Variants in VRK2 observed in about 807,000 individuals in gnomAD.
VRK2 encodes the protein serine/threonine-protein kinase VRK2.
Under a neutral mutation model 57.6 loss-of-function variants are expected in VRK2, and 60 were observed. The observed-to-expected ratio is 1.04, with a 90% CI of 0.85 to 1.29. The LOEUF is 1.29. VRK2 is among the 50% of genes most tolerant of loss of function. VRK2 has a pLI of 0.00. For synonymous variants in VRK2, 231 were observed against 199.2 expected, an observed-to-expected ratio of 1.16 and a Z score of -1.35; for missense variants, 705 against 588.1, an observed-to-expected ratio of 1.20 and a Z score of -2.06.
At chr2:58,148,739 G>A (rs1412549079) in intron 12 of VRK2, among the ~76,000 whole-genome samples, 1 of 151,550 alleles carries the variant, frequency 6.6e-6, no homozygotes, top group Admixed American at 6.6e-5. Context: ...TTTTCATATA[G>A]TTTGCACCAT....
chr2:57,991,781 A>T (rs1572751152), intron 1 of VRK2, among the ~76,000 whole-genome samples: 1 of 144,778 alleles, frequency 6.9e-6, no homozygotes, highest in Non-Finnish European at 1.5e-5. Context: ...CCCCGTCTCT[A>T]CTAAAAATAC....
chr2:58,091,855 T>C (rs1196951476), intron 7 of VRK2, among the ~76,000 whole-genome samples: 2 of 152,134 alleles, frequency 1.3e-5, no homozygotes, highest in Admixed American at 1.3e-4. Context: ...CGAGGCACCC[T>C]TTTTAAAGGA....
At chr2:58,080,205 A>G (rs562038820) in intron 2 of VRK2, among the ~76,000 whole-genome samples, 26 of 151,902 alleles carry the variant, frequency 1.7e-4, no homozygotes, top group African/African-American at 4.8e-4. Flanking sequence ...AGTCCTATCT[A>G]TTTTCTGATT....
chr2:57,963,182 G>A (rs1301916561), intron 1 of VRK2, among the ~76,000 whole-genome samples: 1 of 152,126 alleles, frequency 6.6e-6, no homozygotes, highest in Admixed American at 6.6e-5. Flanking sequence ...GTCCTCTACT[G>A]TTATTTCTGT....
chr2:58,119,227 G>C (rs1015178168), intron 7 of VRK2, among the ~76,000 whole-genome samples: 1 of 152,004 alleles, frequency 6.6e-6, no homozygotes, highest in Non-Finnish European at 1.5e-5. Context: ...GCTGGGCGCA[G>C]TGGCTCACGC....
At chr2:57,956,943 C>A (rs1423333446) in intron 1 of VRK2, among the ~76,000 whole-genome samples, 1 of 152,116 alleles carries the variant, frequency 6.6e-6, no homozygotes, top group Non-Finnish European at 1.5e-5. Context: ...CAGCACGTAG[C>A]TCTAAGTCCT....
chr2:57,998,578 A>C (rs1444532669), intron 1 of VRK2, among the ~76,000 whole-genome samples: 1 of 152,198 alleles, frequency 6.6e-6, no homozygotes, highest in Non-Finnish European at 1.5e-5. Context: ...ATTTTTGAAC[A>C]ATAGGAGATT....
rs978318198 is a variant in VRK2, at chr2:58,139,726, A to G, written c.917A>G (p.Tyr306Cys). The G allele has an allele frequency of 3.1e-5, 50 of 1,613,278 alleles. No individual in the cohort carries two copies. The highest frequency in any genetic ancestry group is 3.7e-5 in the Non-Finnish European group (44 of 1,179,454). Residue 306 changes from tyrosine (Y) to cysteine (C), a missense_variant, in exon 11 of 13, where the codon TAT becomes TGT. Transcript: ENST00000340157. ...TTAGCATATGATGAAAAGCCAAACT[A>G]TCAAGCCCTCAAGAAAATTTTGAAC... ...HSLAYDEKPN[Y>C]QALKKILNPH...
At position 58,046,822 on chromosome 2, in the gene VRK2, G is replaced by C; in HGVS notation, c.-52G>C. ...GGGCTCCGCCTCGTCGCAGCGGCAG[G>C]TAGGAGGCGGTGCGCGCGGCCCGGC... On this transcript the variant is annotated 5_prime_UTR_variant, in exon 1 of 13. Coordinates refer to ENST00000340157, the MANE Select transcript of VRK2 (RefSeq NM_006296.7). 1.0e-6 allele frequency: 1 copy of C among 985,738 alleles called. No homozygotes were observed. The highest frequency in any genetic ancestry group is 1.2e-6 in the Non-Finnish European group (1 of 830,186). The allele number at this position is 985,738 out of a possible 1,614,324, so 61.1% of individuals were successfully genotyped here. A position where few individuals can be genotyped will look rare whatever the true frequency, so the allele number is the denominator to read the frequency against.
chr2:57,996,030 A>G (rs1308148982), intron 1 of VRK2, among the ~76,000 whole-genome samples: 3 of 152,212 alleles, frequency 2.0e-5, no homozygotes, highest in Non-Finnish European at 4.4e-5. Flanking sequence ...AAAACAATAC[A>G]GTGCAACAAC....
At chr2:57,981,645 C>T (rs116640253) in intron 1 of VRK2, among the ~76,000 whole-genome samples, 63 of 152,256 alleles carry the variant, frequency 4.1e-4, no homozygotes, top group Admixed American at 7.2e-4. Context: ...ACATTGCTTG[C>T]TTTCTCTCCA....
intron 1 of VRK2, among the ~76,000 whole-genome samples, chr2:57,969,264 C>A (rs1388453847): frequency 6.6e-6 from 1 of 151,536 alleles, no homozygotes; most frequent in African/African-American, 2.4e-5. Context: ...ATAAAGTAGA[C>A]AAAGCAACAT....
intron 1 of VRK2, among the ~76,000 whole-genome samples, chr2:57,923,146 A>T (rs939078872): frequency 3.9e-5 from 6 of 151,996 alleles, no homozygotes; most frequent in Non-Finnish European, 8.8e-5. Context: ...GGTTGCTTCC[A>T]AATATTGACT....
intron 2 of VRK2, among the ~76,000 whole-genome samples, chr2:58,055,746 A>T (rs1676421301): frequency 6.6e-6 from 1 of 152,226 alleles, no homozygotes; most frequent in African/African-American, 2.4e-5. Flanking sequence ...GAAGCTTCAC[A>T]AAATTGTATA....
intron 1 of VRK2, among the ~76,000 whole-genome samples, chr2:57,942,018 A>G (rs1018680749): frequency 4.0e-4 from 61 of 152,294 alleles, no homozygotes; most frequent in African/African-American, 1.3e-3. Context: ...GACAATGCAT[A>G]ATGCACTGCT....
chr2:57,970,235 C>T (rs1012651947), intron 1 of VRK2, among the ~76,000 whole-genome samples: 1 of 149,432 alleles, frequency 6.7e-6, no homozygotes, highest in African/African-American at 2.4e-5. Context: ...TATATATTCA[C>T]ATTCCACTAA....
At chr2:57,952,863 G>A (rs1055271197) in intron 1 of VRK2, among the ~76,000 whole-genome samples, 12 of 152,042 alleles carry the variant, frequency 7.9e-5, no homozygotes, top group African/African-American at 2.7e-4. Context: ...GTCTGCCATG[G>A]ATTTGACTGT....
In VRK2 at chr2:58,036,949, AT is replaced by A. The variant is rs932857252; in HGVS notation, c.-6+3405del. ...TGCTTAATCTTAATTTTATTAATTA[AT>A]TTTTTTTTGACAGAGTCTCACTCTG... On this transcript the variant is annotated intron_variant, in intron 3 of 15. Coordinates refer to the VRK2 transcript ENST00000417641. Among the ~76,000 whole-genome samples, 128 of 151,268 alleles carry A rather than the reference AT, an allele frequency of 8.5e-4. 1 individual carries two copies. The highest frequency in any genetic ancestry group is 4.6e-4 in the Admixed American group (7 of 15,148).
intron 1 of VRK2, among the ~76,000 whole-genome samples, chr2:58,009,707 G>C (rs1673360216): frequency 6.6e-6 from 1 of 151,360 alleles, no homozygotes; most frequent in South Asian, 2.1e-4. Flanking sequence ...TATTCATACA[G>C]CTCATATTTT....
Sources: gnomAD v4.1 joint callset for allele counts (sites outside exome capture counted in the v4.1 genomes callset) on GRCh38, gnomAD v4.1.1 for gene constraint, MANE v1.5 for transcripts, NCBI Gene and HGNC (gene_info 2026-07-23, HGNC 2026-07-21) for gene names.